ARHGAP22: variants seen among roughly 807,000 people sequenced by gnomAD.
The protein encoded by ARHGAP22 is rho GTPase-activating protein 22.
ARHGAP22 carries 48 observed loss-of-function variants against 59.1 expected under a neutral mutation model. The observed-to-expected ratio is 0.81, with a 90% CI of 0.64 to 1.03. ARHGAP22 has a LOEUF of 1.03. Among genes scored for constraint, ARHGAP22 ranks in the 50% least tolerant of loss-of-function variants. The pLI is 0.00. For synonymous variants in ARHGAP22, 445 were observed against 416.4 expected (o/e 1.07, Z -0.84); for missense variants, 1,015 against 958.7 (o/e 1.06, Z -0.78).
intron 3 of ARHGAP22, among the ~76,000 whole-genome samples, chr10:48,509,021 C>A (rs2052465368): frequency 6.6e-6 from 1 of 152,194 alleles, no homozygotes; most frequent in Non-Finnish European, 1.5e-5. Flanking sequence ...GCAGAGAATG[C>A]CCGCGGCTCT....
intron 3 of ARHGAP22, among the ~76,000 whole-genome samples, chr10:48,497,765 C>T (rs953200559): frequency 5.9e-5 from 9 of 152,308 alleles, no homozygotes; most frequent in Admixed American, 3.9e-4. Context: ...TCCTGCCACT[C>T]GCAGCAACTG....
chr10:48,567,691 C>T (rs2058135099), intron 2 of ARHGAP22, among the ~76,000 whole-genome samples: 1 of 152,064 alleles, frequency 6.6e-6, no homozygotes, highest in East Asian at 1.9e-4. Context: ...TGACAGCATC[C>T]ACTTCCAGGC....
chr10:48,441,045 T>C (rs889101898), downstream of ARHGAP22, among the ~76,000 whole-genome samples: 2 of 152,204 alleles, frequency 1.3e-5, no homozygotes, highest in Non-Finnish European at 1.5e-5. Flanking sequence ...GTTTGAAATG[T>C]CCATGACAGA....
At chr10:48,654,792 TTCTTTC>T (rs1315787261), upstream of ARHGAP22, among the ~76,000 whole-genome samples, 1 of 119,838 alleles carries the variant, frequency 8.3e-6, no homozygotes, top group Non-Finnish European at 1.8e-5. Flanking sequence ...CTTTCTTTCT[TTCTTTC>T]TTTCTTTCTT....
chr10:48,440,122 C>CTTTTTTTTTTTTTT, the ARHGAP22 span, among the ~76,000 whole-genome samples: 2 of 150,084 alleles, frequency 1.3e-5, no homozygotes. Context: ...AATTTAGGTA[C>CTTTTTTTTTTTTTT]TTTTTTTTTT....
chr10:48,620,495 G>C (rs2061248119), intron 1 of ARHGAP22, among the ~76,000 whole-genome samples: 1 of 152,180 alleles, frequency 6.6e-6, no homozygotes, highest in South Asian at 2.1e-4. Context: ...CAATGCCACA[G>C]GGTTGTTTTC....
the ARHGAP22 span, chr10:48,435,505 CA>C: frequency 2.6e-5 from 4 of 152,308 alleles, no homozygotes; most frequent in East Asian, 7.7e-4. Flanking sequence ...GAAATAACCC[CA>C]GAGGAGTGAG....
intron 1 of ARHGAP22, among the ~76,000 whole-genome samples, chr10:48,583,618 A>T (rs765183713): frequency 6.6e-6 from 1 of 152,236 alleles, no homozygotes; most frequent in African/African-American, 2.4e-5. Context: ...TAGTGAAATA[A>T]AAAACAGATA....
Position 48,638,491 on chromosome 10 carries a change from C to A in ARHGAP22, c.52+13743G>T, listed in dbSNP as rs563652416. 2.6e-5 allele frequency among the ~76,000 whole-genome samples: 4 copies of A among 152,104 alleles called. No individual in the cohort carries two copies. In the South Asian group the frequency reaches 8.3e-4, roughly 32 times the overall value. On this transcript the variant is annotated intron_variant, in intron 1 of 9. Coordinates refer to the ARHGAP22 transcript ENST00000435790. Reference sequence around the variant, plus strand: ...CCACTAAAACTAATCATCTCATTACCCAGCTAGAAACCCCAGACACCTGAG... The same window carrying A: ...CCACTAAAACTAATCATCTCATTACACAGCTAGAAACCCCAGACACCTGAG...
At chr10:48,502,857 G>T (rs538063587) in intron 3 of ARHGAP22, among the ~76,000 whole-genome samples, 26 of 152,366 alleles carry the variant, frequency 1.7e-4, no homozygotes, top group African/African-American at 5.8e-4. Flanking sequence ...GCCTCTCAGA[G>T]AGTGGCCCGG....
intron 2 of ARHGAP22, among the ~76,000 whole-genome samples, chr10:48,571,745 C>G (rs4101281): frequency 0.39 from 58,772 of 152,120 alleles, 12,797 homozygotes; most frequent in East Asian, 0.89. Context: ...TAGCTTGGTC[C>G]AGAGTCACTG....
chr10:48,453,545 A>G, intron 7 of ARHGAP22, 120 bp from the exon 8 acceptor site: 1 of 1,459,954 alleles, frequency 6.8e-7, no homozygotes, highest in Non-Finnish European at 9.4e-7. Flanking sequence ...GCTTTTGCCC[A>G]CTGGGTGTAG....
chr10:48,525,286 T>A (rs2134826760), intron 3 of ARHGAP22, among the ~76,000 whole-genome samples: 1 of 152,292 alleles, frequency 6.6e-6, no homozygotes, highest in Admixed American at 6.5e-5. Flanking sequence ...AGTAAAAGAA[T>A]CATCGGCCGG....
chr10:48,587,190 C>T (rs903407315), intron 1 of ARHGAP22, among the ~76,000 whole-genome samples: 4 of 152,216 alleles, frequency 2.6e-5, no homozygotes, highest in Non-Finnish European at 5.9e-5. Flanking sequence ...GGGCTGCTGC[C>T]TCCCCTTCTC....
chr10:48,543,235 C>T (rs1231220415), intron 3 of ARHGAP22, among the ~76,000 whole-genome samples: 1 of 152,220 alleles, frequency 6.6e-6, no homozygotes, highest in Non-Finnish European at 1.5e-5. Flanking sequence ...GCAGAGTCCT[C>T]CTTCCATCAC....
At chr10:48,448,919 G>C (rs1025792376) in intron 9 of ARHGAP22, among the ~76,000 whole-genome samples, 1 of 152,184 alleles carries the variant, frequency 6.6e-6, no homozygotes, top group Admixed American at 6.5e-5. Flanking sequence ...AGGACAAATG[G>C]GTGAGGTCAC....
chr10:48,536,486 G>T (rs2135038187), intron 3 of ARHGAP22, among the ~76,000 whole-genome samples: 1 of 152,262 alleles, frequency 6.6e-6, no homozygotes, highest in South Asian at 2.1e-4. Context: ...GAAGACCACT[G>T]TCCCCCCACC....
chr10:48,642,692 T>G (rs1416561884), intron 1 of ARHGAP22, among the ~76,000 whole-genome samples: 3 of 152,112 alleles, frequency 2.0e-5, no homozygotes, highest in Admixed American at 1.3e-4. Flanking sequence ...GGACTTCATG[T>G]CTAAAACACC....
rs369459052 is a variant in ARHGAP22, at chr10:48,469,961, A to G, written c.451+9675T>C. Among the ~76,000 whole-genome samples the G allele has an allele frequency of 2.6e-5, 4 of 152,320 alleles. No homozygotes were observed. The East Asian group carries it at 7.7e-4, about 29-fold the overall frequency. ...CCCACTTATTTGTGGTCTGGACAAA[A>G]TGCTGGAGCCTCCTTGATTCTGTCT... On this transcript the variant is annotated intron_variant, in intron 4 of 9. Coordinates refer to ENST00000249601, the MANE Select transcript of ARHGAP22 (RefSeq NM_021226.4).
Sources: allele counts gnomAD v4.1 joint callset (sites outside exome capture counted in the v4.1 genomes callset), GRCh38; gene constraint gnomAD v4.1.1; transcripts MANE v1.5; gene names NCBI Gene and HGNC (gene_info 2026-07-23, HGNC 2026-07-21).